Variants in ZFAT observed in about 807,000 individuals in gnomAD.
ZFAT encodes zinc finger protein ZFAT.
A neutral mutation model predicts 117.7 loss-of-function variants in ZFAT; 64 were observed. That is an observed-to-expected ratio of 0.54 (90% confidence interval 0.44 to 0.67). ZFAT has a LOEUF of 0.67. Among genes scored for constraint, ZFAT ranks in the 30% least tolerant of loss-of-function variants. The pLI, the probability that ZFAT is intolerant of heterozygous loss-of-function variation, is 0.00. For missense variants in ZFAT, 1,433 were observed against 1,584.5 expected (o/e 0.90, Z 1.62); for synonymous variants, 679 against 615.0 (o/e 1.10, Z -1.54).
the ZFAT span, among the ~76,000 whole-genome samples, chr8:134,815,115 ATT>A: frequency 2.0e-5 from 3 of 152,218 alleles, no homozygotes; most frequent in Non-Finnish European, 4.4e-5. Flanking sequence ...CCTTGTTAAT[ATT>A]AACTTAATGC....
chr8:134,623,891 G>T (rs1829303686), intron 3 of ZFAT, among the ~76,000 whole-genome samples: 2 of 151,942 alleles, frequency 1.3e-5, no homozygotes, highest in South Asian at 4.2e-4. Context: ...TCTCCAGGCT[G>T]CTAGAGAAGC....
chr8:134,632,187 T>TC lies in ZFAT; in HGVS notation c.448+5273_448+5274insG, dbSNP rs111480380. On this transcript the variant is annotated intron_variant, in intron 3 of 15. Transcript: ENST00000377838. ...CTCAGCCTACTCAACATGAGGAGAATGAAGATGAAGATCTTTATGATGATC... is the reference window on the plus strand; with the variant it reads ...CTCAGCCTACTCAACATGAGGAGAATCGAAGATGAAGATCTTTATGATGATC... Among the ~76,000 whole-genome samples, 3 of 152,322 alleles carry TC rather than the reference T, an allele frequency of 2.0e-5. 1 individual carries two copies. The highest frequency in any genetic ancestry group is 7.2e-5 in the African/African-American group (3 of 41,564).
rs190550926 is a variant in ZFAT, at chr8:134,483,016, G to A, written c.3493-4295C>T. Among the ~76,000 whole-genome samples the A allele has an allele frequency of 2.1e-3, 315 of 152,338 alleles. 2 individuals are homozygous for A. The highest frequency in any genetic ancestry group is 5.2e-3 in the African/African-American group (218 of 41,576). ...CAAAAAGCTAACGTGTAGAGAGGAC[G>A]AAGGAGGGAGAGTGGGTTGCTTTAC... On this transcript the variant is annotated intron_variant, in intron 15 of 15. Transcript: ENST00000377838.
At chr8:134,779,016 A>G in the ZFAT span, among the ~76,000 whole-genome samples, 1 of 152,172 alleles carries the variant, frequency 6.6e-6, no homozygotes, top group African/African-American at 2.4e-5. Flanking sequence ...TGTGCTTTAC[A>G]TGGTGGGCTT....
chr8:134,497,814 A>G (rs113912612), intron 15 of ZFAT, among the ~76,000 whole-genome samples: 4 of 31,120 alleles, frequency 1.3e-4, no homozygotes, highest in Non-Finnish European at 2.5e-4. Context: ...ATGCCCCAGC[A>G]GCTGGTTACA....
At chr8:134,607,626 T>C (rs908360575) in intron 5 of ZFAT, among the ~76,000 whole-genome samples, 1 of 152,168 alleles carries the variant, frequency 6.6e-6, no homozygotes, top group Non-Finnish European at 1.5e-5. Context: ...TCATACAGAG[T>C]AGTCTAGAGC....
intron 13 of ZFAT, among the ~76,000 whole-genome samples, chr8:134,517,074 C>T (rs943548037): frequency 3.3e-5 from 5 of 152,152 alleles, no homozygotes; most frequent in African/African-American, 1.2e-4. Context: ...ATTGTCCTTA[C>T]TACCAACAAT....
chr8:134,505,848 T>C (rs1819367628), intron 15 of ZFAT, among the ~76,000 whole-genome samples: 1 of 152,216 alleles, frequency 6.6e-6, no homozygotes, highest in African/African-American at 2.4e-5. Flanking sequence ...TGTGTTGTTT[T>C]AAACCATAAA....
rs183765361 is a variant in ZFAT at position 134,667,353 on chromosome 8, C to T, written c.20-9616G>A. 8.0e-3 allele frequency among the ~76,000 whole-genome samples: 1,223 copies of T among 151,998 alleles called. 3 individuals carry two copies. The highest frequency in any genetic ancestry group is 0.034 in the Middle Eastern group (10 of 294). On this transcript the variant is annotated intron_variant, in intron 1 of 15. Coordinates refer to ENST00000377838, the MANE Select transcript of ZFAT (RefSeq NM_020863.4). ...TAAAAATGCAGAAAAATTAGCCGGG[C>T]GTGGTGGCAGGCACCTGTAGTCCCA...
chr8:134,577,199 A>G (rs1281140182), intron 10 of ZFAT, among the ~76,000 whole-genome samples: 1 of 152,158 alleles, frequency 6.6e-6, no homozygotes, highest in African/African-American at 2.4e-5. Flanking sequence ...TTATAGATCA[A>G]TTTCTCTCTT....
At chr8:134,720,058 C>T in the ZFAT span, among the ~76,000 whole-genome samples, 1 of 152,270 alleles carries the variant, frequency 6.6e-6, no homozygotes, top group Non-Finnish European at 1.5e-5. Context: ...AACGCCGCCT[C>T]TGGAAGCCAG....
At chr8:134,563,962 A>G (rs530696692) in intron 11 of ZFAT, among the ~76,000 whole-genome samples, 13 of 151,094 alleles carry the variant, frequency 8.6e-5, no homozygotes, top group Non-Finnish European at 1.5e-4. Flanking sequence ...GGTTGCTCAT[A>G]GTGAAACCCC....
chr8:134,481,655 C>T (rs1201342023), intron 15 of ZFAT, among the ~76,000 whole-genome samples: 2 of 152,208 alleles, frequency 1.3e-5, no homozygotes, highest in Admixed American at 1.3e-4. Context: ...CTCCTGTCCC[C>T]TGGCAGCACA....
rs1392033875 is a variant in ZFAT, at chr8:134,600,670, T to C, written c.2243-2A>G. 6.4e-7 allele frequency: 1 copy of C among 1,568,268 alleles called. No individual in the cohort carries two copies. Among genetic ancestry groups the C allele is most frequent in the Non-Finnish European group, 8.6e-7 (1 of 1,157,654 alleles). On this transcript the variant is annotated splice_acceptor_variant, in intron 6 of 15. Coordinates refer to ENST00000377838, the MANE Select transcript of ZFAT (RefSeq NM_020863.4). LOFTEE classifies it high-confidence loss of function. Reference sequence around the variant, plus strand: ...GCACTTGGTACCAAAAAAGTTTGCCTAAAAAAATATTTTCACATGAGAACA... The same window carrying C: ...GCACTTGGTACCAAAAAAGTTTGCCCAAAAAAATATTTTCACATGAGAACA...
the ZFAT span, among the ~76,000 whole-genome samples, chr8:134,787,934 T>C: frequency 1.3e-5 from 2 of 152,190 alleles, no homozygotes; most frequent in South Asian, 4.1e-4. Flanking sequence ...TTGTATTCAG[T>C]GACCTTGATA....
the ZFAT span, among the ~76,000 whole-genome samples, chr8:134,755,270 G>A: frequency 0.39 from 59,109 of 149,656 alleles, 11,913 homozygotes; most frequent in Middle Eastern, 0.47. Context: ...AAAAAATGCC[G>A]GGCGTGGCGG....
chr8:134,606,437 G>A (rs1352309852), intron 5 of ZFAT, among the ~76,000 whole-genome samples: 5 of 152,158 alleles, frequency 3.3e-5, no homozygotes, highest in African/African-American at 7.2e-5. Context: ...AGTGACAGCC[G>A]GGCACAGTGG....
chr8:134,479,305 G>T (rs1366810243), intron 15 of ZFAT, among the ~76,000 whole-genome samples: 1 of 152,206 alleles, frequency 6.6e-6, no homozygotes, highest in Non-Finnish European at 1.5e-5. Flanking sequence ...CTATTTGGGG[G>T]AAGGCCTGCT....
At chr8:134,663,705 T>C (rs1832056330) in intron 1 of ZFAT, among the ~76,000 whole-genome samples, 1 of 152,212 alleles carries the variant, frequency 6.6e-6, no homozygotes, top group Admixed American at 6.5e-5. Context: ...GCCACTGTAC[T>C]CTAGCCTCGG....
Sources: gnomAD v4.1 joint callset for allele counts (sites outside exome capture counted in the v4.1 genomes callset) on GRCh38, gnomAD v4.1.1 for gene constraint, MANE v1.5 for transcripts, NCBI Gene and HGNC (gene_info 2026-07-23, HGNC 2026-07-21) for gene names.